GAB1: variants seen among roughly 807,000 people sequenced by gnomAD.
The protein encoded by GAB1 is GRB2 associated binding protein 1, also known as GRB2-associated-binding protein 1.
A neutral mutation model predicts 66.5 loss-of-function variants in GAB1; 19 were observed. That is an observed-to-expected ratio of 0.29 (90% CI 0.20 to 0.42). The LOEUF is 0.42. Ranked by LOEUF, GAB1 falls within the 10% of genes least tolerant of loss-of-function variation. GAB1 has a pLI of 1.00. For synonymous variants in GAB1, 294 were observed against 301.4 expected, an observed-to-expected ratio of 0.98 and a Z score of 0.25; for missense variants, 732 against 858.5, an observed-to-expected ratio of 0.85 and a Z score of 1.84.
At chr4:143,416,365 G>A (rs1326202574) in intron 2 of GAB1, among the ~76,000 whole-genome samples, 4 of 151,996 alleles carry the variant, frequency 2.6e-5, no homozygotes, top group Middle Eastern at 3.4e-3. Flanking sequence ...CCGAGATCGC[G>A]CCACTGCACT....
At chr4:143,439,318 A>G (rs1734101125) in intron 4 of GAB1, among the ~76,000 whole-genome samples, 1 of 152,212 alleles carries the variant, frequency 6.6e-6, no homozygotes, top group Non-Finnish European at 1.5e-5. Flanking sequence ...ATGTGCTAAA[A>G]TTTCTGTATT....
At chr4:143,393,520 T>C (rs1731287765) in intron 1 of GAB1, among the ~76,000 whole-genome samples, 1 of 152,212 alleles carries the variant, frequency 6.6e-6, no homozygotes, top group Non-Finnish European at 1.5e-5. Flanking sequence ...CTCATAGGGC[T>C]GTGATGAGGA....
intron 1 of GAB1, among the ~76,000 whole-genome samples, chr4:143,405,809 G>A (rs139135070): frequency 7.2e-4 from 110 of 152,242 alleles, no homozygotes; most frequent in African/African-American, 2.3e-3. Flanking sequence ...TGACCTGGCC[G>A]AGGTGACAGG....
chr4:143,456,318 G>A (rs887589429), intron 6 of GAB1, among the ~76,000 whole-genome samples: 88 of 152,110 alleles, frequency 5.8e-4, no homozygotes, highest in African/African-American at 1.6e-3. Context: ...TTAGCCAGGC[G>A]TGGTGGCGGG....
At chr4:143,383,991 T>C (rs1202230717) in intron 1 of GAB1, among the ~76,000 whole-genome samples, 1 of 152,080 alleles carries the variant, frequency 6.6e-6, no homozygotes, top group Non-Finnish European at 1.5e-5. Flanking sequence ...AAGGATTGCT[T>C]GAGCCCAGGA....
intron 1 of GAB1, among the ~76,000 whole-genome samples, chr4:143,355,035 C>A (rs1285913192): frequency 1.3e-5 from 2 of 152,088 alleles, no homozygotes; most frequent in East Asian, 3.8e-4. Flanking sequence ...TTTTTCTAAA[C>A]CATGTACTTC....
intron 1 of GAB1, among the ~76,000 whole-genome samples, chr4:143,391,276 C>T (rs916530287): frequency 1.3e-5 from 2 of 152,182 alleles, no homozygotes; most frequent in Admixed American, 1.3e-4. Flanking sequence ...ACATATCTCC[C>T]ATAAGTGTTA....
intron 1 of GAB1, among the ~76,000 whole-genome samples, chr4:143,354,577 A>G (rs1729365931): frequency 6.6e-6 from 1 of 152,264 alleles, no homozygotes; most frequent in Admixed American, 6.5e-5. Flanking sequence ...CTAAGTTACT[A>G]AAGGGAAGTG....
intron 1 of GAB1, among the ~76,000 whole-genome samples, chr4:143,413,338 T>C (rs1732495681): frequency 6.6e-6 from 1 of 152,224 alleles, no homozygotes; most frequent in Admixed American, 6.5e-5. Flanking sequence ...ATGAATGGAT[T>C]TTTATAGTCC....
In GAB1 at chr4:143,415,690, T is replaced by C; in HGVS notation, c.286T>C (p.Leu96=). 2.5e-6 allele frequency: 4 copies of C among 1,614,144 alleles called. No individual in the cohort carries two copies. Among genetic ancestry groups the C allele is most frequent in the Non-Finnish European group, 3.4e-6 (4 of 1,179,976 alleles). ...DINTIDRIFY[L]VADSEEEMNK... ...CAACACTATTGACCGGATTTTCTAC[T>C]TGGTAGCAGACAGCGAGGAGGAGAT... Residue 96 remains leucine, a synonymous_variant, in exon 2 of 10, where the codon TTG becomes CTG. Coordinates refer to ENST00000262994, the MANE Select transcript of GAB1 (RefSeq NM_002039.4).
chr4:143,447,256 T>C (rs557266332), intron 6 of GAB1, among the ~76,000 whole-genome samples: 112 of 152,260 alleles, frequency 7.4e-4, no homozygotes, highest in African/African-American at 2.5e-3. Flanking sequence ...TCTTTTGGCT[T>C]AGGATTGACT....
intron 1 of GAB1, among the ~76,000 whole-genome samples, chr4:143,412,474 T>C (rs1732447744): frequency 6.6e-6 from 1 of 152,214 alleles, no homozygotes; most frequent in East Asian, 1.9e-4. Context: ...ACAGATATGC[T>C]ATGTACTAGG....
intron 2 of GAB1, among the ~76,000 whole-genome samples, chr4:143,427,826 C>T (rs1049521646): frequency 6.6e-6 from 1 of 152,184 alleles, no homozygotes; most frequent in African/African-American, 2.4e-5. Flanking sequence ...AATGGCTACT[C>T]ATCTAGAAAG....
At position 143,469,266 on chromosome 4, in the gene GAB1, C is replaced by T; in HGVS notation, c.*77C>T. On this transcript the variant is annotated 3_prime_UTR_variant, in exon 10 of 10. Transcript: ENST00000262994. ...ATCCCTTTTGAAGAATGACTTGACA[C>T]TTCCACTCTAGGTAGATCCTCAAAT... 1.4e-6 allele frequency: 2 copies of T among 1,433,086 alleles called. No individual in the cohort carries two copies. The highest frequency in any genetic ancestry group is 1.9e-6 in the Non-Finnish European group (2 of 1,041,904). The allele number at this position is 1,433,086 out of a possible 1,614,324, so 88.8% of individuals were successfully genotyped here.
chr4:143,403,009 T>A (rs1731853430), intron 1 of GAB1, among the ~76,000 whole-genome samples: 1 of 152,248 alleles, frequency 6.6e-6, no homozygotes, highest in Non-Finnish European at 1.5e-5. Context: ...TGACTCTGGT[T>A]GTCTCACTGG....
At chr4:143,367,373 G>A (rs968162121) in intron 1 of GAB1, among the ~76,000 whole-genome samples, 4 of 152,214 alleles carry the variant, frequency 2.6e-5, no homozygotes, top group Admixed American at 2.6e-4. Context: ...AAGGAAATTC[G>A]ATATTTATTT....
chr4:143,374,944 C>T lies in GAB1; in HGVS notation c.72+37684C>T, dbSNP rs892290037. 1.8e-4 allele frequency among the ~76,000 whole-genome samples: 28 copies of T among 152,284 alleles called. 1 individual carries two copies. Among genetic ancestry groups the T allele is most frequent in the Admixed American group, 1.4e-3 (21 of 15,296 alleles). ...CCCAGTGATTCTTGGAATACTTTTT[C>T]AAGAATGCTCCTCCAGGAATGCTCT... On this transcript the variant is annotated intron_variant, in intron 1 of 9. Transcript: ENST00000262994.
intron 1 of GAB1, among the ~76,000 whole-genome samples, chr4:143,390,425 T>G (rs1355256930): frequency 1.3e-5 from 2 of 151,920 alleles, no homozygotes; most frequent in Non-Finnish European, 2.9e-5. Context: ...TTTGTTTTTT[T>G]TTTTTAGGAA....
intron 1 of GAB1, among the ~76,000 whole-genome samples, chr4:143,383,004 T>C (rs912771268): frequency 6.6e-6 from 1 of 152,238 alleles, no homozygotes; most frequent in African/African-American, 2.4e-5. Flanking sequence ...TTCTTTTTAA[T>C]TTAACAGTTG....
Sources: allele counts gnomAD v4.1 joint callset (sites outside exome capture counted in the v4.1 genomes callset), GRCh38; gene constraint gnomAD v4.1.1; transcripts MANE v1.5; gene names NCBI Gene and HGNC (gene_info 2026-07-23, HGNC 2026-07-21).